Variants in COG5 observed in about 807,000 individuals in gnomAD.
The protein encoded by COG5 is conserved oligomeric Golgi complex subunit 5.
COG5 carries 86 observed loss-of-function variants against 110.4 expected under a neutral mutation model. That is an observed-to-expected ratio of 0.78 (90% confidence interval 0.65 to 0.93). The LOEUF (loss-of-function observed/expected upper bound fraction) is 0.93. Ranked by LOEUF, COG5 falls within the 40% of genes least tolerant of loss-of-function variation. The probability of loss-of-function intolerance (pLI) is 0.00; values close to 1 mark genes in which losing one functional copy is unlikely to be tolerated. For missense variants in COG5, 1,077 were observed against 987.0 expected (o/e 1.09, Z -1.22); for synonymous variants, 360 against 334.6 (o/e 1.08, Z -0.83).
At chr7:107,447,953 C>G (rs914568218) in intron 6 of COG5, among the ~76,000 whole-genome samples, 1 of 152,080 alleles carries the variant, frequency 6.6e-6, no homozygotes, top group Non-Finnish European at 1.5e-5. Context: ...TTCAGGAGTT[C>G]GAGACCAGCC....
chr7:107,508,638 G>A lies in COG5; in HGVS notation c.538+18599C>T, dbSNP rs140389762. ...AACTGGGAGGCACCCCCCAGTAGGG[G>A]CACACTGACACCTTACACGGCCGGG... On this transcript the variant is annotated intron_variant, in intron 6 of 21. Transcript: ENST00000297135. Among the ~76,000 whole-genome samples the A allele has an allele frequency of 7.2e-4, 109 of 152,302 alleles. 2 individuals are homozygous for A. In the East Asian group the frequency reaches 0.019, roughly 26 times the overall value.
chr7:107,411,914 A>T (rs1584788807), intron 7 of COG5, among the ~76,000 whole-genome samples: 1 of 152,178 alleles, frequency 6.6e-6, no homozygotes, highest in East Asian at 1.9e-4. Flanking sequence ...TAAGTTGTTG[A>T]ATCTAATACA....
At chr7:107,456,988 C>A (rs1795703210) in intron 6 of COG5, among the ~76,000 whole-genome samples, 1 of 152,156 alleles carries the variant, frequency 6.6e-6, no homozygotes, top group African/African-American at 2.4e-5. Context: ...ACTTAACTGC[C>A]TGATAGAACA....
At chr7:107,484,463 G>T (rs942631923) in intron 6 of COG5, among the ~76,000 whole-genome samples, 1 of 152,038 alleles carries the variant, frequency 6.6e-6, no homozygotes, top group East Asian at 1.9e-4. Context: ...CTCAGCATTG[G>T]TAAGATTAAA....
At chr7:107,428,247 G>A (rs960887614) in intron 6 of COG5, among the ~76,000 whole-genome samples, 8 of 152,090 alleles carry the variant, frequency 5.3e-5, no homozygotes, top group Non-Finnish European at 7.4e-5. Context: ...TCAGGGACCT[G>A]CCCCTGTCTG....
chr7:107,370,173 C>T (rs1156990470), intron 8 of COG5, among the ~76,000 whole-genome samples: 1 of 152,048 alleles, frequency 6.6e-6, no homozygotes, highest in African/African-American at 2.4e-5. Flanking sequence ...CACCATCACA[C>T]TCATGAATGC....
chr7:107,316,170 A>C (rs544894400), intron 11 of COG5, among the ~76,000 whole-genome samples: 11 of 152,358 alleles, frequency 7.2e-5, no homozygotes, highest in Admixed American at 5.2e-4. Context: ...AACAGCAACT[A>C]AAGAGGAACT....
At chr7:107,392,479 T>C (rs1012171680) in intron 7 of COG5, among the ~76,000 whole-genome samples, 1 of 152,136 alleles carries the variant, frequency 6.6e-6, no homozygotes, top group African/African-American at 2.4e-5. Flanking sequence ...AAAGTTGATG[T>C]TTTTTCCAAA....
At chr7:107,343,636 G>A (rs555681099) in intron 10 of COG5, among the ~76,000 whole-genome samples, 30 of 152,196 alleles carry the variant, frequency 2.0e-4, no homozygotes, top group Admixed American at 3.3e-4. Flanking sequence ...AGCTGACGTC[G>A]CACCACTGCA....
At chr7:107,527,851 T>A (rs946249127) in intron 5 of COG5, among the ~76,000 whole-genome samples, 9 of 152,188 alleles carry the variant, frequency 5.9e-5, no homozygotes, top group African/African-American at 1.9e-4. Context: ...AATGTTCCAA[T>A]GCCCAGGCCA....
At chr7:107,291,809 G>A (rs998496803) in intron 12 of COG5, among the ~76,000 whole-genome samples, 15 of 152,018 alleles carry the variant, frequency 9.9e-5, no homozygotes, top group African/African-American at 3.1e-4. Flanking sequence ...CTTATTCTCC[G>A]GATCTCTCCT....
chr7:107,540,049 A>G (rs1370702740), intron 5 of COG5, among the ~76,000 whole-genome samples: 2 of 152,202 alleles, frequency 1.3e-5, no homozygotes, highest in Non-Finnish European at 2.9e-5. Flanking sequence ...CAAGAAAGCC[A>G]AAAAAGCTAG....
intron 10 of COG5, among the ~76,000 whole-genome samples, chr7:107,332,909 A>C (rs1810392727): frequency 6.6e-6 from 1 of 152,164 alleles, no homozygotes; most frequent in African/African-American, 2.4e-5. Context: ...GGAATCAAAA[A>C]ACAAAAGTGA....
chr7:107,206,086 G>C (rs970764311), intron 21 of COG5, among the ~76,000 whole-genome samples: 2 of 151,604 alleles, frequency 1.3e-5, no homozygotes, highest in African/African-American at 4.9e-5. Flanking sequence ...TCAGCCTCCC[G>C]AGTAGCTGGG....
intron 6 of COG5, among the ~76,000 whole-genome samples, chr7:107,416,618 G>T (rs751347123): frequency 1.2e-4 from 18 of 152,098 alleles, no homozygotes; most frequent in Admixed American, 4.6e-4. Flanking sequence ...AACTACGTAT[G>T]AACCAATGGC....
chr7:107,423,534 AG>A (rs1396911910), intron 6 of COG5, among the ~76,000 whole-genome samples: 1 of 152,144 alleles, frequency 6.6e-6, no homozygotes, highest in East Asian at 1.9e-4. Context: ...ACAATGAGAG[AG>A]GGAACATTTC....
At chr7:107,378,103 C>T (rs1174765400) in intron 7 of COG5, among the ~76,000 whole-genome samples, 1 of 152,200 alleles carries the variant, frequency 6.6e-6, no homozygotes, top group Non-Finnish European at 1.5e-5. Context: ...GTTCTGCAAC[C>T]TCTGCTGGTG....
chr7:107,251,313 A>G (rs1431942839), intron 16 of COG5, among the ~76,000 whole-genome samples: 2 of 152,166 alleles, frequency 1.3e-5, no homozygotes, highest in Non-Finnish European at 2.9e-5. Context: ...TGAAAGTGAA[A>G]TACATTTCTG....
intron 7 of COG5, among the ~76,000 whole-genome samples, chr7:107,395,398 G>C (rs1398170596): frequency 6.6e-6 from 1 of 152,062 alleles, no homozygotes. Context: ...GTTATAGTCA[G>C]AAAGATGCAA....
Sources: allele counts gnomAD v4.1 joint callset (sites outside exome capture counted in the v4.1 genomes callset), GRCh38; gene constraint gnomAD v4.1.1; transcripts MANE v1.5; gene names NCBI Gene and HGNC (gene_info 2026-07-23, HGNC 2026-07-21).